The following PABPN1 variants were observed in gnomAD, a reference collection of about 807,000 sequenced individuals.
PABPN1 encodes the protein polyadenylate-binding protein 2.
Under a neutral mutation model 33.4 loss-of-function variants are expected in PABPN1, and 5 were observed. The ratio of observed to expected loss-of-function variants is 0.15; its 90% CI spans 0.08 to 0.32. The LOEUF is 0.32. Among genes scored for constraint, PABPN1 ranks in the 10% least tolerant of loss-of-function variants. The pLI, the probability that PABPN1 is intolerant of heterozygous loss-of-function variation, is 1.00. For synonymous variants in PABPN1, 176 were observed against 170.6 expected (o/e 1.03, Z -0.25); for missense variants, 312 against 425.8 (o/e 0.73, Z 2.35).
chr14:23,324,059 C>A lies in PABPN1; in HGVS notation c.729+7C>A. ...TAGAGGAAGGCAAATCAAGGTAAGC[C>A]TATGTCCATTGCTGTTCTAGTTGTG... On this transcript the variant is annotated splice_region_variant and intron_variant, in intron 5 of 6. Transcript: ENST00000216727. The A allele has an allele frequency of 6.2e-7, 1 of 1,614,166 alleles. No homozygotes were observed. The highest frequency in any genetic ancestry group is 1.3e-5 in the African/African-American group (1 of 75,028).
At chr14:23,323,171 T>G (rs1213757562) in intron 3 of PABPN1, 105 bp downstream of exon 3, 2 of 1,517,222 alleles carry the variant, frequency 1.3e-6, no homozygotes, top group African/African-American at 1.4e-5. Flanking sequence ...GTTTTGGGTG[T>G]GGAGGGAGTG....
chr14:23,321,588 C>G lies in PABPN1; in HGVS notation c.119C>G (p.Pro40Arg). Residue 40 changes from proline to arginine, a missense_variant, in exon 1 of 7, where the codon CCG (proline) becomes CGG (arginine). This residue lies in a region of PABPN1 where 167 missense variants were observed against 168.9 expected (regional missense o/e 0.99). Transcript: ENST00000216727. ...GAGGEAGEGAPGGAGDYGNGL... is the reference protein window; with the variant it reads ...GAGGEAGEGARGGAGDYGNGL... ...GGTGGGGAGGCCGGGGAGGGGGCCCCGGGGGGCGCAGGGGACTACGGGAAC... is the reference window on the plus strand; with the variant it reads ...GGTGGGGAGGCCGGGGAGGGGGCCCGGGGGGGCGCAGGGGACTACGGGAAC... The G allele has an allele frequency of 1.4e-6, 2 of 1,451,818 alleles. No homozygotes were observed. Among genetic ancestry groups the G allele is most frequent in the Non-Finnish European group, 9.2e-7 (1 of 1,091,746 alleles). The allele number at this position is 1,451,818 out of a possible 1,614,324, so 89.9% of individuals were successfully genotyped here. A position where few individuals can be genotyped will look rare whatever the true frequency, so the allele number is the denominator to read the frequency against.
In PABPN1 at chr14:23,322,890, C is replaced by CT. The variant is rs1888425068; in HGVS notation, c.467-106dup. On this transcript the variant is annotated intron_variant, in intron 2 of 6. Coordinates refer to ENST00000216727, the MANE Select transcript of PABPN1 (RefSeq NM_004643.4). ...AGCAGGGAACAGCACAGACCAAAAT[C>CT]TTTGCCTTCACTGAGCTTATGGGAT... The CT allele has an allele frequency of 2.7e-6, 4 of 1,491,744 alleles. No homozygotes were observed. The East Asian group carries it at 9.0e-5, about 34-fold the overall frequency. The allele number at this position is 1,491,744 out of a possible 1,614,324, so 92.4% of individuals were successfully genotyped here.
Position 23,321,662 on chromosome 14 carries a change from G to A in PABPN1, c.193G>A (p.Glu65Lys), listed in dbSNP as rs1420857469. 6 of 1,515,872 alleles carry A rather than the reference G, an allele frequency of 4.0e-6. No individual in the cohort carries two copies. In the East Asian group the frequency reaches 1.2e-4, roughly 31 times the overall value. The allele number at this position is 1,515,872 out of a possible 1,614,324, so 93.9% of individuals were successfully genotyped here. ...LEPEELLLEP[E>K]PEPEPEEEPP... is the part of the protein sequence containing the mutation. Reference sequence around the variant, plus strand: ...GCCTGAGGAGCTGCTGCTGGAGCCCGAGCCGGAGCCCGAGCCCGAAGAGGA... The same window carrying A: ...GCCTGAGGAGCTGCTGCTGGAGCCCAAGCCGGAGCCCGAGCCCGAAGAGGA... The change falls in exon 1 of 7, where the codon GAG becomes AAG. Residue 65 changes from glutamate to lysine, a missense_variant. Physicochemically the swap from Glu to Lys is moderately conservative, Grantham distance 56. This residue lies in a region of PABPN1 where 167 missense variants were observed against 168.9 expected (regional missense o/e 0.99). Transcript: ENST00000216727.
intron 2 of PABPN1, 124 bp from the exon 3 acceptor site, chr14:23,322,875 A>G (rs1347150643): frequency 7.7e-7 from 1 of 1,295,482 alleles, no homozygotes; most frequent in Admixed American, 1.7e-5. Context: ...AGCAGGGAAC[A>G]GCACAGACCA....
chr14:23,325,270 G>GTTT lies in PABPN1; in HGVS notation c.905_906insTTT (p.Trp302delinsCysLeu). 6.2e-7 allele frequency: 1 copy of GTTT among 1,610,620 alleles called. No homozygotes were observed. The highest frequency in any genetic ancestry group is 8.5e-7 in the Non-Finnish European group (1 of 1,179,448). ...AGGGGCCGGGCTAGAGCGACATCAT[G>GTTT]GTATTCCCCTTACTAAAAAAAGTGT... On this transcript the variant is annotated protein_altering_variant, in exon 7 of 7. Coordinates refer to ENST00000216727, the MANE Select transcript of PABPN1 (RefSeq NM_004643.4).
intron 6 of PABPN1, 157 bp from the exon 7 acceptor site, chr14:23,325,090 T>C (rs1486864511): frequency 5.2e-6 from 5 of 969,860 alleles, no homozygotes; most frequent in Non-Finnish European, 4.5e-6. Context: ...TCCAGGTGCG[T>C]TACTATTTCT....
Position 23,321,791 on chromosome 14 carries a change from G to T in PABPN1, c.322G>T (p.Asp108Tyr). 2.7e-6 allele frequency: 4 copies of T among 1,504,726 alleles called. No homozygotes were observed. The highest frequency in any genetic ancestry group is 2.7e-6 in the Non-Finnish European group (3 of 1,127,648). 93.2% of individuals were successfully genotyped at this position (1,504,726 alleles called of 1,614,324 possible). Reference protein sequence around the residue: ...EEEEPGLVEGDPGDGAIEDPE... With the variant: ...EEEEPGLVEGYPGDGAIEDPE... Reference sequence around the variant, plus strand: ...GGAGGAGCCGGGACTGGTCGAGGGTGACCCGGGGGACGGCGCCATTGAGGA... The same window carrying T: ...GGAGGAGCCGGGACTGGTCGAGGGTTACCCGGGGGACGGCGCCATTGAGGA... The change falls in exon 1 of 7, where the codon GAC becomes TAC. Residue 108 changes from aspartate (D) to tyrosine (Y), a missense_variant. Around this residue, in one of 3 missense-constraint regions of PABPN1, gnomAD observed 167 missense variants for 168.9 expected, o/e 0.99. Transcript: ENST00000216727.
chr14:23,322,791 A>G, intron 2 of PABPN1: 2 of 621,866 alleles, frequency 3.2e-6, no homozygotes, highest in Non-Finnish European at 5.7e-6. Flanking sequence ...TTAAGTGTGT[A>G]TTAATTCTTT....
intron 6 of PABPN1, 45 bp downstream of exon 6, chr14:23,324,334 C>G: frequency 6.2e-7 from 1 of 1,604,146 alleles, no homozygotes; most frequent in South Asian, 1.1e-5. Context: ...CTCCCGTGAG[C>G]CCCGTATGCT....
chr14:23,321,912 G>T (rs1888319603), intron 1 of PABPN1, 92 bp downstream of exon 1: 1 of 857,604 alleles, frequency 1.2e-6, no homozygotes, highest in Non-Finnish European at 1.8e-6. Flanking sequence ...CAGGCGGGGG[G>T]TGGGGTTGGG....
chr14:23,321,927 G>GGGA, intron 1 of PABPN1, 107 bp downstream of exon 1: 1 of 458,120 alleles, frequency 2.2e-6, no homozygotes. Context: ...GTTGGGCGGG[G>GGGA]AATAACGTGG....
At position 23,323,369 on chromosome 14, in the gene PABPN1, C is replaced by G; in HGVS notation, c.535-8C>G. The G allele has an allele frequency of 5.0e-6, 8 of 1,612,720 alleles. No individual in the cohort carries two copies. The highest frequency in any genetic ancestry group is 5.9e-6 in the Non-Finnish European group (7 of 1,179,814). ...CTGGTGCCTGTGAAATTTTTCTCCT[C>G]TCATCAGGTGGACTATGGTGCAACA... On this transcript the variant is annotated splice_region_variant and splice_polypyrimidine_tract_variant and intron_variant, in intron 3 of 6. Coordinates refer to ENST00000216727, the MANE Select transcript of PABPN1 (RefSeq NM_004643.4).
At chr14:23,322,445 TC>T (rs745472023) in intron 2 of PABPN1, 150 bp downstream of exon 2, 241 of 727,992 alleles carry the variant, frequency 3.3e-4, no homozygotes, top group Middle Eastern at 1.4e-3. Flanking sequence ...CGTTGTGTGT[TC>T]CTCTGACCTT....
Position 23,323,025 on chromosome 14 carries a change from G to A in PABPN1, c.493G>A (p.Glu165Lys), listed in dbSNP as rs781778407. ...TGGCCCGGTGATCATGTCCATTGAG[G>A]AGAAGATGGAGGCTGATGCCCGTTC... is the stretch of plus-strand genomic sequence containing the variant. ...NAGPVIMSIE[E>K]KMEADARSIY... The change falls in exon 3 of 7, where the codon GAG becomes AAG. Residue 165 changes from glutamate to lysine, a missense_variant. Glu to Lys is a moderately conservative substitution (Grantham distance 56). Around this residue, in one of 3 missense-constraint regions of PABPN1, gnomAD observed 77 missense variants for 185.7 expected, o/e 0.41. Coordinates refer to ENST00000216727, the MANE Select transcript of PABPN1 (RefSeq NM_004643.4). 1 of 1,614,178 alleles carries A rather than the reference G, an allele frequency of 6.2e-7. No individual in the cohort carries two copies. The highest frequency in any genetic ancestry group is 8.5e-7 in the Non-Finnish European group (1 of 1,180,040).
chr14:23,323,756 C>CT (rs1888510106), intron 4 of PABPN1, among the ~76,000 whole-genome samples: 1 of 152,146 alleles, frequency 6.6e-6, no homozygotes, highest in African/African-American at 2.4e-5. Flanking sequence ...AATTCAGGCC[C>CT]TGTGTGTCTT....
At position 23,321,585 on chromosome 14, in the gene PABPN1, C is replaced by T; in HGVS notation, c.116C>T (p.Ala39Val). The change falls in exon 1 of 7, where the codon GCC becomes GTC. Residue 39 changes from alanine to valine, a missense_variant. Coordinates refer to ENST00000216727, the MANE Select transcript of PABPN1 (RefSeq NM_004643.4). The stretch of plus-strand genomic sequence containing the variant: ...GCCGGTGGGGAGGCCGGGGAGGGGG[C>T]CCCGGGGGGCGCAGGGGACTACGGG... ...PGAGGEAGEG[A>V]PGGAGDYGNG... 1.4e-6 allele frequency: 2 copies of T among 1,450,718 alleles called. No homozygotes were observed. Among genetic ancestry groups the T allele is most frequent in the Non-Finnish European group, 1.8e-6 (2 of 1,090,882 alleles). The allele number at this position is 1,450,718 out of a possible 1,614,324, so 89.9% of individuals were successfully genotyped here.
chr14:23,322,885 A>G, intron 2 of PABPN1, 114 bp from the exon 3 acceptor site: 1 of 1,468,052 alleles, frequency 6.8e-7, no homozygotes, highest in Middle Eastern at 1.7e-4. Flanking sequence ...AGCACAGACC[A>G]AAATCTTTGC....
Position 23,325,481 on chromosome 14 carries a change from G to A in PABPN1, c.*195G>A. On this transcript the variant is annotated 3_prime_UTR_variant, in exon 7 of 7. Coordinates refer to ENST00000216727, the MANE Select transcript of PABPN1 (RefSeq NM_004643.4). ...GGAGGGACCTGCTTTGGGGAGTAGGGGAAGGCCCAGGGAGTGGGGCAGGGG... is the reference window on the plus strand; with the variant it reads ...GGAGGGACCTGCTTTGGGGAGTAGGAGAAGGCCCAGGGAGTGGGGCAGGGG... The A allele has an allele frequency of 2.8e-6, 2 of 703,374 alleles. No individual in the cohort carries two copies. Among genetic ancestry groups the A allele is most frequent in the Middle Eastern group, 4.1e-4 (1 of 2,468 alleles). The allele number at this position is 703,374 out of a possible 1,614,324, so 43.6% of individuals were successfully genotyped here.
Sources: gnomAD v4.1 joint callset for allele counts (sites outside exome capture counted in the v4.1 genomes callset) on GRCh38, gnomAD v4.1.1 for gene constraint, gnomAD v4.1.1 regional missense constraint, MANE v1.5 for transcripts, NCBI Gene and HGNC (gene_info 2026-07-23, HGNC 2026-07-21) for gene names.